The following ADAMTSL1 variants were observed in gnomAD, a reference collection of about 807,000 sequenced individuals.
The protein encoded by ADAMTSL1 is ADAMTS like 1.
ADAMTSL1 carries 126 observed loss-of-function variants against 201.8 expected under a neutral mutation model. The observed-to-expected ratio is 0.62, with a 90% CI of 0.54 to 0.72. ADAMTSL1 has a LOEUF of 0.72. Ranked by LOEUF, ADAMTSL1 falls within the 30% of genes least tolerant of loss-of-function variation. The pLI, the probability that ADAMTSL1 is intolerant of heterozygous loss-of-function variation, is 0.00. For missense variants in ADAMTSL1, 2,679 were observed against 2,277.8 expected (o/e 1.18, Z -3.59); for synonymous variants, 1,121 against 903.4 (o/e 1.24, Z -4.32).
intron 2 of ADAMTSL1, among the ~76,000 whole-genome samples, chr9:18,260,991 TCTC>T (rs139909976): frequency 0.045 from 6,619 of 148,368 alleles, 231 homozygotes; most frequent in Non-Finnish European, 0.074. Context: ...TCTACTTAAA[TCTC>T]CTCTTTTTTT....
chr9:18,214,558 C>G (rs765872951), intron 2 of ADAMTSL1, among the ~76,000 whole-genome samples: 10 of 152,160 alleles, frequency 6.6e-5, no homozygotes, highest in Non-Finnish European at 1.3e-4. Flanking sequence ...AAAAGATATA[C>G]TACAACAATT....
intron 1 of ADAMTSL1, among the ~76,000 whole-genome samples, chr9:18,130,813 A>G (rs16936351): frequency 0.019 from 2,961 of 152,222 alleles, 63 homozygotes; most frequent in African/African-American, 0.054. Flanking sequence ...TCTCTGCTAC[A>G]GCCTTAGAAC....
chr9:18,041,386 T>C (rs554269314), intron 1 of ADAMTSL1, among the ~76,000 whole-genome samples: 118 of 152,284 alleles, frequency 7.7e-4, no homozygotes, highest in Admixed American at 2.6e-3. Context: ...ATGCTTAAAA[T>C]AGAAAAGTCA....
Position 18,264,999 on chromosome 9 carries a change from A to C in ADAMTSL1, c.207+101018A>C, listed in dbSNP as rs115177010. ...TTGTTAGAAGGATTAAATAAAGTAA[A>C]GCACATAGCACAGTACCTGGCCTAT... is the stretch of plus-strand genomic sequence containing the variant. On this transcript the variant is annotated intron_variant, in intron 2 of 29. Transcript: ENST00000680146. 2.7e-3 allele frequency among the ~76,000 whole-genome samples: 418 copies of C among 152,346 alleles called. 4 individuals carry two copies. Among genetic ancestry groups the C allele is most frequent in the African/African-American group, 9.8e-3 (407 of 41,584 alleles).
At chr9:18,136,647 C>T (rs1826171136) in intron 1 of ADAMTSL1, among the ~76,000 whole-genome samples, 1 of 151,624 alleles carries the variant, frequency 6.6e-6, no homozygotes, top group South Asian at 2.1e-4. Context: ...TAAATTGTGT[C>T]TACAAACAAA....
At chr9:18,077,967 G>A (rs894694037) in intron 1 of ADAMTSL1, among the ~76,000 whole-genome samples, 3 of 152,150 alleles carry the variant, frequency 2.0e-5, no homozygotes, top group African/African-American at 7.2e-5. Flanking sequence ...GGGTCTCAAC[G>A]AAGAAAGAGA....
intron 2 of ADAMTSL1, among the ~76,000 whole-genome samples, chr9:18,515,820 C>T (rs953199102): frequency 1.3e-5 from 2 of 152,020 alleles, no homozygotes; most frequent in East Asian, 3.9e-4. Context: ...TCAGCCTTGC[C>T]CAAAGTATTA....
intron 1 of ADAMTSL1, among the ~76,000 whole-genome samples, chr9:18,126,295 ATC>A (rs1825724034): frequency 6.6e-6 from 1 of 152,168 alleles, no homozygotes; most frequent in South Asian, 2.1e-4. Context: ...GTATCCCAGA[ATC>A]TCTCTCACAA....
At chr9:18,126,172 A>AT (rs1825720128) in intron 1 of ADAMTSL1, among the ~76,000 whole-genome samples, 1 of 152,160 alleles carries the variant, frequency 6.6e-6, no homozygotes, top group Admixed American at 6.5e-5. Flanking sequence ...TACTCCAGTG[A>AT]TTTTCTTTAA....
chr9:18,194,626 T>C (rs1396579087), intron 2 of ADAMTSL1, among the ~76,000 whole-genome samples: 2 of 152,090 alleles, frequency 1.3e-5, no homozygotes, highest in African/African-American at 4.8e-5. Flanking sequence ...CATCTTTTTC[T>C]TCTTGCTTTT....
chr9:18,783,008 A>T (rs944426428), intron 19 of ADAMTSL1, among the ~76,000 whole-genome samples: 11 of 152,330 alleles, frequency 7.2e-5, no homozygotes, highest in African/African-American at 2.6e-4. Flanking sequence ...GATGTTAAAC[A>T]GGAAAGTGAC....
chr9:18,224,376 C>A (rs1009730020), intron 2 of ADAMTSL1, among the ~76,000 whole-genome samples: 3 of 152,044 alleles, frequency 2.0e-5, no homozygotes, highest in Non-Finnish European at 4.4e-5. Context: ...GGGACAAAAA[C>A]TCCCTCATCA....
chr9:18,222,588 T>A (rs910897120), intron 2 of ADAMTSL1, among the ~76,000 whole-genome samples: 5 of 151,764 alleles, frequency 3.3e-5, no homozygotes, highest in Admixed American at 3.3e-4. Flanking sequence ...ATCTCATAAA[T>A]TAGTTATTAG....
intron 4 of ADAMTSL1, among the ~76,000 whole-genome samples, chr9:18,597,651 G>A (rs1824357424): frequency 6.6e-6 from 1 of 152,026 alleles, no homozygotes; most frequent in Non-Finnish European, 1.5e-5. Context: ...AAATTCAAAT[G>A]TGAAAGACAA....
At chr9:18,550,670 C>T (rs1820745939) in intron 3 of ADAMTSL1, among the ~76,000 whole-genome samples, 1 of 151,878 alleles carries the variant, frequency 6.6e-6, no homozygotes, top group African/African-American at 2.4e-5. Flanking sequence ...AAGAAAAGGA[C>T]CCACTGAGCC....
chr9:18,138,222 T>C (rs1826241493), intron 1 of ADAMTSL1, among the ~76,000 whole-genome samples: 1 of 152,136 alleles, frequency 6.6e-6, no homozygotes, highest in Non-Finnish European at 1.5e-5. Context: ...AATTGCTCTG[T>C]AAATGGAAAG....
chr9:18,241,489 T>A (rs1330820961), intron 2 of ADAMTSL1, among the ~76,000 whole-genome samples: 1 of 152,128 alleles, frequency 6.6e-6, no homozygotes, highest in Non-Finnish European at 1.5e-5. Flanking sequence ...TTCAGGCTAT[T>A]AATATTCCCT....
intron 1 of ADAMTSL1, among the ~76,000 whole-genome samples, chr9:18,028,737 A>G (rs1278885114): frequency 6.6e-6 from 1 of 152,096 alleles, no homozygotes; most frequent in Non-Finnish European, 1.5e-5. Flanking sequence ...TTGACTTGGC[A>G]ATGCGGGCTC....
intron 2 of ADAMTSL1, among the ~76,000 whole-genome samples, chr9:18,422,922 C>A (rs1819028968): frequency 6.6e-6 from 1 of 152,172 alleles, no homozygotes; most frequent in East Asian, 1.9e-4. Flanking sequence ...TCACAGTTGA[C>A]AATAACACTG....
Sources: gnomAD v4.1 joint callset for allele counts (sites outside exome capture counted in the v4.1 genomes callset) on GRCh38, gnomAD v4.1.1 for gene constraint, MANE v1.5 for transcripts, NCBI Gene and HGNC (gene_info 2026-07-23, HGNC 2026-07-21) for gene names.